FAM174C: variants seen among roughly 807,000 people sequenced by gnomAD.
The protein encoded by FAM174C is protein FAM174C.
Under a neutral mutation model 12.3 loss-of-function variants are expected in FAM174C, and 19 were observed. The observed-to-expected ratio is 1.55, with a 90% CI of 1.08 to 2.27. FAM174C has a LOEUF of 2.27. Among genes scored for constraint, FAM174C ranks in the 30% most tolerant of loss-of-function variants. FAM174C has a pLI of 0.00. For synonymous variants in FAM174C, 147 were observed against 103.5 expected (o/e 1.42, Z -2.55); for missense variants, 239 against 190.2 (o/e 1.26, Z -1.51).
rs1381476145 is a variant in FAM174C, at chr19:1,275,656, A to T, written c.107A>T (p.Gln36Leu). The T allele has an allele frequency of 2.8e-6, 4 of 1,412,266 alleles. No homozygotes were observed. The highest frequency in any genetic ancestry group is 2.4e-4 in the Middle Eastern group (1 of 4,198). The allele number at this position is 1,412,266 out of a possible 1,614,324, so 87.5% of individuals were successfully genotyped here. ...GAGGCCTCGCCGCTGCGCCCCGCGC[A>T]GGTCACGTTGTCGCCGCCGCCGGCC... Reference protein sequence around the residue: ...AEEASPLRPAQVTLSPPPAVT... With the variant: ...AEEASPLRPALVTLSPPPAVT... Residue 36 changes from glutamine (Q) to leucine (L), a missense_variant, in exon 1 of 3, where the codon CAG becomes CTG. Physicochemically the swap from Gln to Leu is moderately radical, Grantham distance 113. Transcript: ENST00000409293.
At position 1,275,574 on chromosome 19, in the gene FAM174C, CCGCTGCTGCTGCTCCTGCTGG is replaced by C. The variant is rs1361518615; in HGVS notation, c.37_57del (p.Leu13_Leu19del). 26 of 1,226,608 alleles carry C rather than the reference CCGCTGCTGCTGCTCCTGCTGG, an allele frequency of 2.1e-5. No homozygotes were observed. In the South Asian group the frequency reaches 4.1e-4, roughly 20 times the overall value. 76.0% of individuals were successfully genotyped at this position (1,226,608 alleles called of 1,614,324 possible). A position where few individuals can be genotyped will look rare whatever the true frequency, so the allele number is the denominator to read the frequency against. ...CATGGGGCCGCGCGTGCTGCAGCCG[CCGCTGCTGCTGCTCCTGCTGG>C]CGCTGCTGCTGGCGGCGCTGCCGTG... is the stretch of plus-strand genomic sequence containing the variant. On this transcript the variant is annotated inframe_deletion, in exon 1 of 3. Coordinates refer to ENST00000409293, the MANE Select transcript of FAM174C (RefSeq NM_017914.4).
chr19:1,277,468 A>C (rs1341317667), intron 2 of FAM174C, among the ~76,000 whole-genome samples, 169 bp downstream of exon 2: 1 of 151,272 alleles, frequency 6.6e-6, no homozygotes, highest in Non-Finnish European at 1.5e-5. Context: ...CCCAGCCTCC[A>C]TTTACAACTT....
Position 1,275,770 on chromosome 19 carries a change from T to C in FAM174C, c.221T>C (p.Phe74Ser), listed in dbSNP as rs1275997727. The change falls in exon 1 of 3, where the codon TTC (phenylalanine) becomes TCC (serine). Residue 74 changes from phenylalanine to serine, a missense_variant. Phe to Ser is a radical substitution (Grantham distance 155). Transcript: ENST00000409293. Reference protein sequence around the residue: ...GASGSALTRSFYVILGFCGLT... With the variant: ...GASGSALTRSSYVILGFCGLT... ...TCGGGCTCGGCGCTGACGCGCTCCT[T>C]CTACGTGATCCTGGGCTTCTGCGGC... is the stretch of plus-strand genomic sequence containing the variant. 1.3e-6 allele frequency: 2 copies of C among 1,538,310 alleles called. No homozygotes were observed. Among genetic ancestry groups the C allele is most frequent in the Non-Finnish European group, 8.7e-7 (1 of 1,144,972 alleles).
rs751537429 is a variant in FAM174C at position 1,278,894 on chromosome 19, C to T, written c.*117C>T. The T allele has an allele frequency of 8.7e-5, 141 of 1,612,998 alleles. No homozygotes were observed. The highest frequency in any genetic ancestry group is 1.2e-4 in the Non-Finnish European group (137 of 1,179,856). On this transcript the variant is annotated 3_prime_UTR_variant, in exon 3 of 3. Coordinates refer to ENST00000409293, the MANE Select transcript of FAM174C (RefSeq NM_017914.4). ...GCTCATTCCCCTGCTGGCCCCGGGG[C>T]TGGTCTCACCCAGTGCCAACCCGAG...
chr19:1,275,646 C>G lies in FAM174C; in HGVS notation c.97C>G (p.Arg33Gly). ...CGGTGCCGAAGAGGCCTCGCCGCTGCGCCCCGCGCAGGTCACGTTGTCGCC... is the reference window on the plus strand; with the variant it reads ...CGGTGCCGAAGAGGCCTCGCCGCTGGGCCCCGCGCAGGTCACGTTGTCGCC... ...PCGAEEASPL[R>G]PAQVTLSPPP... The change falls in exon 1 of 3, where the codon CGC becomes GGC. Residue 33 changes from arginine to glycine, a missense_variant. Physicochemically the swap from Arg to Gly is moderately radical, Grantham distance 125 (BLOSUM62 -2). Coordinates refer to ENST00000409293, the MANE Select transcript of FAM174C (RefSeq NM_017914.4). 7.2e-7 allele frequency: 1 copy of G among 1,390,012 alleles called. No individual in the cohort carries two copies. Among genetic ancestry groups the G allele is most frequent in the Non-Finnish European group, 9.2e-7 (1 of 1,084,364 alleles). The allele number at this position is 1,390,012 out of a possible 1,614,324, so 86.1% of individuals were successfully genotyped here.
chr19:1,277,308 C>T lies in FAM174C; in HGVS notation c.398+9C>T. ...TCCCGGAATCTGAGATGGTGTGCACCCTTCCCCAGCTCTGGGGCCTCGGTG... is the reference window on the plus strand; with the variant it reads ...TCCCGGAATCTGAGATGGTGTGCACTCTTCCCCAGCTCTGGGGCCTCGGTG... On this transcript the variant is annotated intron_variant, in intron 2 of 2. Transcript: ENST00000409293. 6.5e-7 allele frequency: 1 copy of T among 1,539,534 alleles called. No homozygotes were observed. The highest frequency in any genetic ancestry group is 8.8e-7 in the Non-Finnish European group (1 of 1,137,734).
rs1317293861 is a variant in FAM174C, at chr19:1,278,935, C to G, written c.*158C>G. ...CCAACCCGAGAGCTCCTTTTGGAAC[C>G]TGCACAGCCCGCCGACCTGTTGCCA... On this transcript the variant is annotated 3_prime_UTR_variant, in exon 3 of 3. Coordinates refer to ENST00000409293, the MANE Select transcript of FAM174C (RefSeq NM_017914.4). 6.2e-7 allele frequency: 1 copy of G among 1,613,156 alleles called. No homozygotes were observed. The highest frequency in any genetic ancestry group is 2.2e-5 in the East Asian group (1 of 44,884).
intron 2 of FAM174C, among the ~76,000 whole-genome samples, chr19:1,278,385 C>T (rs1051536471): frequency 7.2e-5 from 11 of 151,922 alleles, no homozygotes; most frequent in Non-Finnish European, 1.5e-4. Context: ...GGGTATGTTG[C>T]GCTGCAGTGT....
At chr19:1,278,631 G>A (rs1568849637) in intron 2 of FAM174C, 146 bp from the exon 3 acceptor site, 6 of 1,472,202 alleles carry the variant, frequency 4.1e-6, no homozygotes, top group Non-Finnish European at 3.6e-6. Context: ...AGGAGGCCGG[G>A]GAGGGAGGCC....
chr19:1,275,660 C>A lies in FAM174C; in HGVS notation c.111C>A (p.Val37=). ...EEASPLRPAQ[V]TLSPPPAVTN... is the part of the protein sequence containing the mutation. ...CCTCGCCGCTGCGCCCCGCGCAGGT[C>A]ACGTTGTCGCCGCCGCCGGCCGTGA... Residue 37 remains valine, a synonymous_variant, in exon 1 of 3, where the codon GTC becomes GTA. Coordinates refer to ENST00000409293, the MANE Select transcript of FAM174C (RefSeq NM_017914.4). 7.0e-7 allele frequency: 1 copy of A among 1,426,646 alleles called. No homozygotes were observed. The highest frequency in any genetic ancestry group is 9.1e-7 in the Non-Finnish European group (1 of 1,103,242). The allele number at this position is 1,426,646 out of a possible 1,614,324, so 88.4% of individuals were successfully genotyped here. A position where few individuals can be genotyped will look rare whatever the true frequency, so the allele number is the denominator to read the frequency against.
In FAM174C at chr19:1,277,190, A is replaced by G; in HGVS notation, c.289A>G (p.Lys97Glu). 6.5e-7 allele frequency: 1 copy of G among 1,538,910 alleles called. No homozygotes were observed. The highest frequency in any genetic ancestry group is 8.8e-7 in the Non-Finnish European group (1 of 1,137,006). The change falls in exon 2 of 3, where the codon AAG becomes GAG. Residue 97 changes from lysine to glutamate, a missense_variant. Lys to Glu is a moderately conservative substitution (Grantham distance 56). Coordinates refer to ENST00000409293, the MANE Select transcript of FAM174C (RefSeq NM_017914.4). ...YFLIRAFRLK[K>E]PQRRRYGLLA... is the part of the protein sequence containing the mutation. ...GCCTGGACCTACTTCCAGGTTGAAGAAGCCTCAGCGGAGGCGATACGGCCT... is the reference window on the plus strand; with the variant it reads ...GCCTGGACCTACTTCCAGGTTGAAGGAGCCTCAGCGGAGGCGATACGGCCT...
rs199611946 is a variant in FAM174C, at chr19:1,278,907, G to C, written c.*130G>C. The C allele has an allele frequency of 6.2e-7, 1 of 1,613,218 alleles. No individual in the cohort carries two copies. The highest frequency in any genetic ancestry group is 2.2e-5 in the East Asian group (1 of 44,882). ...CTGGCCCCGGGGCTGGTCTCACCCA[G>C]TGCCAACCCGAGAGCTCCTTTTGGA... On this transcript the variant is annotated 3_prime_UTR_variant, in exon 3 of 3. Transcript: ENST00000409293.
chr19:1,276,665 A>G (rs1233508726), intron 1 of FAM174C: 2 of 152,588 alleles, frequency 1.3e-5, no homozygotes, highest in African/African-American at 2.4e-5. Context: ...AAGTGCTGGC[A>G]TTATAGATGT....
chr19:1,275,794 G>C lies in FAM174C; in HGVS notation c.245G>C (p.Gly82Ala), dbSNP rs770946985. 1 of 1,538,614 alleles carries C rather than the reference G, an allele frequency of 6.5e-7. No individual in the cohort carries two copies. Among genetic ancestry groups the C allele is most frequent in the Non-Finnish European group, 8.7e-7 (1 of 1,146,300 alleles). The change falls in exon 1 of 3, where the codon GGC (glycine) becomes GCC (alanine). Residue 82 changes from glycine (G) to alanine (A), a missense_variant. Transcript: ENST00000409293. ...RSFYVILGFCGLTALYFLIRA... is the reference protein window; with the variant it reads ...RSFYVILGFCALTALYFLIRA... ...TTCTACGTGATCCTGGGCTTCTGCG[G>C]CCTGACCGCGCTCTACTTCCTGATC...
At chr19:1,278,712 G>A (rs2144600299) in intron 2 of FAM174C, 65 bp from the exon 3 acceptor site, 1 of 1,599,582 alleles carries the variant, frequency 6.3e-7, no homozygotes, top group Non-Finnish European at 8.5e-7. Flanking sequence ...TGACCTGGGT[G>A]AGCCTCTGCC....
At chr19:1,277,077 A>C in intron 1 of FAM174C, 106 bp from the exon 2 acceptor site, 1 of 1,431,122 alleles carries the variant, frequency 7.0e-7, no homozygotes, top group Non-Finnish European at 9.3e-7. Context: ...GGAGGTCTGC[A>C]GCAGGGCTCG....
At chr19:1,277,071 G>A in intron 1 of FAM174C, 112 bp from the exon 2 acceptor site, 1 of 1,410,962 alleles carries the variant, frequency 7.1e-7, no homozygotes, top group East Asian at 2.6e-5. Context: ...AACCAGGGAG[G>A]TCTGCAGCAG....
chr19:1,277,134 G>A (rs1196969033), intron 1 of FAM174C, 49 bp from the exon 2 acceptor site: 3 of 1,510,350 alleles, frequency 2.0e-6, no homozygotes, highest in Non-Finnish European at 2.7e-6. Context: ...GAAGGAGGAG[G>A]CAGGGTTGGC....
Position 1,278,852 on chromosome 19 carries a change from C to A in FAM174C, c.*75C>A. On this transcript the variant is annotated 3_prime_UTR_variant, in exon 3 of 3. Coordinates refer to ENST00000409293, the MANE Select transcript of FAM174C (RefSeq NM_017914.4). Reference sequence around the variant, plus strand: ...AGATGGGGCCCACCCCAGTGCCCAGCAACCCCCTGCTCCACCGCTCATTCC... The same window carrying A: ...AGATGGGGCCCACCCCAGTGCCCAGAAACCCCCTGCTCCACCGCTCATTCC... The A allele has an allele frequency of 6.2e-7, 1 of 1,612,978 alleles. No homozygotes were observed. Among genetic ancestry groups the A allele is most frequent in the Non-Finnish European group, 8.5e-7 (1 of 1,179,808 alleles).
Sources: allele counts gnomAD v4.1 joint callset (sites outside exome capture counted in the v4.1 genomes callset), GRCh38; gene constraint gnomAD v4.1.1; transcripts MANE v1.5; gene names NCBI Gene and HGNC (gene_info 2026-07-23, HGNC 2026-07-21).